TJP1: variants seen among roughly 807,000 people sequenced by gnomAD.
TJP1 encodes tight junction protein 1, also known as tight junction protein ZO-1.
In TJP1, 43 loss-of-function variants were observed where a neutral mutation model predicts 194.2. The observed-to-expected ratio is 0.22, with a 90% CI of 0.17 to 0.29. The LOEUF is 0.29. Ranked by LOEUF, TJP1 falls within the 10% of genes least tolerant of loss-of-function variation. The pLI, the probability that TJP1 is intolerant of heterozygous loss-of-function variation, is 1.00. For synonymous variants in TJP1, 801 were observed against 779.0 expected, an observed-to-expected ratio of 1.03 and a Z score of -0.47; for missense variants, 1,971 against 2,185.7, an observed-to-expected ratio of 0.90 and a Z score of 1.96.
intron 25 of TJP1, among the ~76,000 whole-genome samples, chr15:29,706,699 C>CA (rs2041922162): frequency 1.3e-5 from 2 of 152,096 alleles, no homozygotes. Context: ...GTCTTGCTGT[C>CA]ACCCAGGCTA....
intron 2 of TJP1, among the ~76,000 whole-genome samples, chr15:29,775,340 A>T (rs75953839): frequency 0.015 from 2,326 of 151,776 alleles, 37 homozygotes; most frequent in Non-Finnish European, 0.026. Flanking sequence ...AAAAAAAAAA[A>T]ATATGCTGAG....
chr15:29,849,648 A>G (rs2051561719), intron 2 of TJP1, among the ~76,000 whole-genome samples: 1 of 151,360 alleles, frequency 6.6e-6, no homozygotes, highest in Non-Finnish European at 1.5e-5. Flanking sequence ...CTGAGGCAGG[A>G]GAATTGCTTG....
intron 2 of TJP1, among the ~76,000 whole-genome samples, chr15:29,788,729 A>G (rs2047871759): frequency 6.6e-6 from 1 of 152,244 alleles, no homozygotes; most frequent in Non-Finnish European, 1.5e-5. Context: ...AATCTTTTAC[A>G]TAATTCTATT....
intron 2 of TJP1, among the ~76,000 whole-genome samples, chr15:29,786,758 T>G (rs1595890275): frequency 6.6e-6 from 1 of 152,302 alleles, no homozygotes; most frequent in South Asian, 2.1e-4. Context: ...TGCCTTGGCC[T>G]CCCAAAGTAC....
rs997637173 is a variant in TJP1 at position 29,822,390 on chromosome 15, C to T, written c.-362G>A. On this transcript the variant is annotated 5_prime_UTR_variant, in exon 1 of 28. The change creates a new upstream start codon in the 5' untranslated region. Coordinates refer to ENST00000614355, the MANE Select transcript of TJP1 (RefSeq NM_001330239.4). ...GTCTCCTCGGAAGCCGGCTTCGCCA[C>T]GTAACTTCCCGGGAACCGGCGGCCG... 18 of 1,009,080 alleles carry T rather than the reference C, an allele frequency of 1.8e-5. No homozygotes were observed. Among genetic ancestry groups the T allele is most frequent in the Non-Finnish European group, 2.0e-5 (17 of 845,338 alleles). The allele number at this position is 1,009,080 out of a possible 1,614,324, so 62.5% of individuals were successfully genotyped here.
At chr15:29,824,079 CT>C (rs2050588052), upstream of TJP1, 2 of 9,872 alleles carry the variant, frequency 2.0e-4, no homozygotes, top group African/African-American at 5.8e-4. Context: ...AAGACTCTGT[CT>C]CAAAAAAAAA....
Position 29,762,666 on chromosome 15 carries a change from T to C in TJP1, c.590-228A>G, listed in dbSNP as rs562677766. On this transcript the variant is annotated intron_variant, in intron 5 of 27. Transcript: ENST00000614355. ...GTGTATGGTTCAAACGAAGGACTGA[T>C]AGACCGTGTTCCCATATTACTGAAA... is the stretch of plus-strand genomic sequence containing the variant. Among the ~76,000 whole-genome samples, 22 of 152,314 alleles carry C rather than the reference T, an allele frequency of 1.4e-4. No individual in the cohort carries two copies. In the South Asian group the frequency reaches 3.9e-3, roughly 27 times the overall value.
chr15:29,824,659 A>G (rs1364493701), upstream of TJP1, among the ~76,000 whole-genome samples: 2 of 152,186 alleles, frequency 1.3e-5, no homozygotes, highest in African/African-American at 4.8e-5. Context: ...GTGATGAAAG[A>G]CCTTTCACAT....
At chr15:29,779,095 C>G (rs988536624) in intron 2 of TJP1, among the ~76,000 whole-genome samples, 5 of 152,142 alleles carry the variant, frequency 3.3e-5, no homozygotes, top group Non-Finnish European at 7.3e-5. Flanking sequence ...AGATAACTTC[C>G]GAATGTGGGT....
chr15:29,822,504 G>A, upstream of TJP1: 3 of 984,632 alleles, frequency 3.0e-6, no homozygotes, highest in Non-Finnish European at 3.6e-6. Flanking sequence ...AGCATGCCCG[G>A]CCCGGCGGGG....
Position 29,810,615 on chromosome 15 carries a change from G to T in TJP1, c.28-9913C>A, listed in dbSNP as rs143279972. ...GCATTGAAAAGGCAACTCTTGTCTA[G>T]AAGGGGTAACAGATACTAATCAAAT... On this transcript the variant is annotated intron_variant, in intron 1 of 27. Transcript: ENST00000614355. Among the ~76,000 whole-genome samples the T allele has an allele frequency of 1.1e-3, 164 of 152,310 alleles. 2 individuals are homozygous for T. Among genetic ancestry groups the T allele is most frequent in the Non-Finnish European group, 1.3e-3 (90 of 68,032 alleles).
chr15:29,816,515 A>C (rs1012067316), intron 1 of TJP1, among the ~76,000 whole-genome samples: 1 of 152,218 alleles, frequency 6.6e-6, no homozygotes, highest in Non-Finnish European at 1.5e-5. Context: ...AATGCCAAAC[A>C]CACACAAAAA....
intron 2 of TJP1, among the ~76,000 whole-genome samples, chr15:29,878,434 T>C (rs2052793838): frequency 6.6e-6 from 1 of 152,202 alleles, no homozygotes; most frequent in South Asian, 2.1e-4. Flanking sequence ...GCCTCTGGAC[T>C]TTCCCCAGAG....
At chr15:29,832,478 T>TA (rs2050867084) in intron 2 of TJP1, among the ~76,000 whole-genome samples, 1 of 152,218 alleles carries the variant, frequency 6.6e-6, no homozygotes, top group African/African-American at 2.4e-5. Flanking sequence ...GGTGGTTTGT[T>TA]ACATGGCAAT....
At chr15:29,771,767 T>C (rs1432242954) in intron 4 of TJP1, among the ~76,000 whole-genome samples, 2 of 149,332 alleles carry the variant, frequency 1.3e-5, no homozygotes, top group Non-Finnish European at 3.0e-5. Context: ...ACCGTACCAC[T>C]GCACTCCAGC....
chr15:29,855,851 A>G (rs372079990), intron 2 of TJP1, among the ~76,000 whole-genome samples: 47 of 151,998 alleles, frequency 3.1e-4, no homozygotes, highest in African/African-American at 9.9e-4. Flanking sequence ...GCAAAACTCC[A>G]TCTCAAAGAA....
chr15:29,876,817 A>G (rs1331276473), intron 2 of TJP1, among the ~76,000 whole-genome samples: 3 of 152,206 alleles, frequency 2.0e-5, no homozygotes, highest in Non-Finnish European at 4.4e-5. Context: ...AACATCAGGC[A>G]GTGCTGTGAG....
chr15:29,953,486 C>T (rs1388303031), intron 2 of TJP1, among the ~76,000 whole-genome samples: 1 of 151,642 alleles, frequency 6.6e-6, no homozygotes, highest in African/African-American at 2.4e-5. Context: ...ATGTTTTTAG[C>T]CCCATGCCAG....
At chr15:29,834,545 T>A (rs927948707) in intron 2 of TJP1, among the ~76,000 whole-genome samples, 1 of 152,222 alleles carries the variant, frequency 6.6e-6, no homozygotes, top group Non-Finnish European at 1.5e-5. Context: ...TATTTTGCAG[T>A]AGCAAACTTC....
Sources: allele counts gnomAD v4.1 joint callset (sites outside exome capture counted in the v4.1 genomes callset), GRCh38; gene constraint gnomAD v4.1.1; transcripts MANE v1.5; gene names NCBI Gene and HGNC (gene_info 2026-07-23, HGNC 2026-07-21).